Variants in ATP8B1 observed in about 807,000 individuals in gnomAD.
ATP8B1 encodes the protein phospholipid-transporting ATPase IC.
In ATP8B1, 80 loss-of-function variants were observed where a neutral mutation model predicts 149.9. The observed-to-expected ratio is 0.53, with a 90% CI of 0.45 to 0.64. ATP8B1 has a LOEUF of 0.64. Among genes scored for constraint, ATP8B1 ranks in the 30% least tolerant of loss-of-function variants. The pLI is 0.00. For synonymous variants in ATP8B1, 536 were observed against 562.8 expected, an observed-to-expected ratio of 0.95 and a Z score of 0.67; for missense variants, 1,247 against 1,552.6, an observed-to-expected ratio of 0.80 and a Z score of 3.31.
intron 1 of ATP8B1, among the ~76,000 whole-genome samples, chr18:57,739,291 C>A (rs549608995): frequency 7.9e-4 from 121 of 152,222 alleles, no homozygotes; most frequent in African/African-American, 2.7e-3. Flanking sequence ...AGCCACCATG[C>A]CTGGCCAATT....
chr18:57,720,700 A>C (rs1266134611), intron 2 of ATP8B1, among the ~76,000 whole-genome samples: 1 of 115,542 alleles, frequency 8.7e-6, no homozygotes, highest in Non-Finnish European at 1.8e-5. Flanking sequence ...GAACTTCCCC[A>C]ATCTAGCAAG....
intron 1 of ATP8B1, among the ~76,000 whole-genome samples, chr18:57,786,158 TG>T (rs2080407026): frequency 6.6e-6 from 1 of 152,174 alleles, no homozygotes; most frequent in Non-Finnish European, 1.5e-5. Flanking sequence ...ACATGAGTCT[TG>T]CCAAGGTGCT....
At chr18:57,756,291 GTGTGTGTATGTATATA>G (rs1243993573) in intron 1 of ATP8B1, among the ~76,000 whole-genome samples, 1 of 27,154 alleles carries the variant, frequency 3.7e-5, no homozygotes, top group African/African-American at 2.0e-4. Context: ...ATATATATGT[GTGTGTGTATGTATATA>G]TATATATATT....
At chr18:57,651,358 G>A (rs1014364575) in intron 26 of ATP8B1, among the ~76,000 whole-genome samples, 2 of 152,088 alleles carry the variant, frequency 1.3e-5, no homozygotes, top group Non-Finnish European at 2.9e-5. Context: ...CACCCATATT[G>A]GCCTCCCAAA....
chr18:57,800,777 T>C (rs2571218), intron 1 of ATP8B1, among the ~76,000 whole-genome samples: 63,200 of 151,996 alleles, frequency 0.42, 13,868 homozygotes, highest in East Asian at 0.76. Context: ...ATACAATTAA[T>C]AAGGAAAAGA....
chr18:57,658,326 AG>A (rs1158260253), intron 22 of ATP8B1, among the ~76,000 whole-genome samples: 1 of 152,218 alleles, frequency 6.6e-6, no homozygotes, highest in Non-Finnish European at 1.5e-5. Context: ...CTGGGATTAC[AG>A]GCATGAGCCA....
chr18:57,795,807 G>A (rs1289996064), intron 1 of ATP8B1, among the ~76,000 whole-genome samples: 1 of 152,070 alleles, frequency 6.6e-6, no homozygotes, highest in Non-Finnish European at 1.5e-5. Flanking sequence ...CAATGTGAAT[G>A]TACCTAATGC....
At chr18:57,767,044 G>T (rs1055886727) in intron 1 of ATP8B1, among the ~76,000 whole-genome samples, 1 of 152,140 alleles carries the variant, frequency 6.6e-6, no homozygotes, top group Non-Finnish European at 1.5e-5. Flanking sequence ...GGCAGTCAGA[G>T]AGTGATGGGG....
At chr18:57,727,512 C>T (rs114716116) in intron 2 of ATP8B1, among the ~76,000 whole-genome samples, 1,798 of 152,190 alleles carry the variant, frequency 0.012, 35 homozygotes, top group African/African-American at 0.04. Context: ...ACTTTAAGGC[C>T]GGGTGTGGTA....
intron 1 of ATP8B1, among the ~76,000 whole-genome samples, chr18:57,742,826 T>TAA (rs35306074): frequency 5.6e-5 from 8 of 144,028 alleles, no homozygotes; most frequent in African/African-American, 1.0e-4. Flanking sequence ...CCCATCTCTA[T>TAA]AAAAAAAAAA....
intron 1 of ATP8B1, among the ~76,000 whole-genome samples, chr18:57,745,314 C>G (rs2123232002): frequency 6.6e-6 from 1 of 152,218 alleles, no homozygotes; most frequent in East Asian, 1.9e-4. Flanking sequence ...CTCTGTCACC[C>G]AGGCTGTAGT....
At chr18:57,737,811 G>C (rs1173846022) in intron 1 of ATP8B1, 1 of 152,230 alleles carries the variant, frequency 6.6e-6, no homozygotes, top group Non-Finnish European at 1.5e-5. Flanking sequence ...GAGAGAGGAA[G>C]CAAGCACGGA....
intron 15 of ATP8B1, among the ~76,000 whole-genome samples, chr18:57,681,618 T>G (rs1273890927): frequency 6.6e-6 from 1 of 152,026 alleles, no homozygotes; most frequent in Admixed American, 6.6e-5. Flanking sequence ...CTGGCCAACA[T>G]GGTGAAGCCC....
rs1909303879 is a variant in ATP8B1, at chr18:57,648,170, G to C, written c.*318C>G. ...CCCGGCTAATTTTTAATTTATGGTA[G>C]AGACAGGGTTTCACCATGTTGGCTG... On this transcript the variant is annotated 3_prime_UTR_variant, in exon 28 of 28. Coordinates refer to ENST00000648908, the MANE Select transcript of ATP8B1 (RefSeq NM_001374385.1). 1 of 445,790 alleles carries C rather than the reference G, an allele frequency of 2.2e-6. No individual in the cohort carries two copies. Among genetic ancestry groups the C allele is most frequent in the Admixed American group, 3.4e-5 (1 of 29,090 alleles). The allele number at this position is 445,790 out of a possible 1,614,324, so 27.6% of individuals were successfully genotyped here.
chr18:57,732,535 G>A (rs1329751436), intron 1 of ATP8B1, among the ~76,000 whole-genome samples: 2 of 151,540 alleles, frequency 1.3e-5, no homozygotes, highest in Non-Finnish European at 2.9e-5. Context: ...ACATTTATTT[G>A]CATTGTGGGT....
chr18:57,652,307 A>G, intron 25 of ATP8B1, 135 bp from the exon 26 acceptor site: 4 of 1,447,132 alleles, frequency 2.8e-6, no homozygotes, highest in Non-Finnish European at 3.8e-6. Flanking sequence ...AAACTAAACC[A>G]TCCTTGACTC....
intron 1 of ATP8B1, among the ~76,000 whole-genome samples, chr18:57,756,570 T>C (rs1383634239): frequency 6.6e-6 from 1 of 151,996 alleles, no homozygotes; most frequent in African/African-American, 2.4e-5. Flanking sequence ...CAAAGTGAGA[T>C]TACAGGCGTG....
chr18:57,788,593 TAACTGCTC>T (rs1167350159), intron 1 of ATP8B1, among the ~76,000 whole-genome samples: 1 of 151,332 alleles, frequency 6.6e-6, no homozygotes, highest in Non-Finnish European at 1.5e-5. Context: ...AAAAGAAAAT[TAACTGCTC>T]ATCACTGAAC....
intron 1 of ATP8B1, among the ~76,000 whole-genome samples, chr18:57,785,555 G>C (rs1184831509): frequency 6.6e-6 from 1 of 152,212 alleles, no homozygotes; most frequent in African/African-American, 2.4e-5. Context: ...GCCCAGGCTG[G>C]AGTGCAGTGG....
Sources: gnomAD v4.1 joint callset for allele counts (sites outside exome capture counted in the v4.1 genomes callset) on GRCh38, gnomAD v4.1.1 for gene constraint, MANE v1.5 for transcripts, NCBI Gene and HGNC (gene_info 2026-07-23, HGNC 2026-07-21) for gene names.